WDR70: variants seen among roughly 807,000 people sequenced by gnomAD.
WDR70 encodes WD repeat-containing protein 70.
WDR70 carries 53 observed loss-of-function variants against 88.6 expected under a neutral mutation model. The observed-to-expected ratio is 0.60, with a 90% CI of 0.48 to 0.75. WDR70 has a LOEUF of 0.75. Among genes scored for constraint, WDR70 ranks in the 30% least tolerant of loss-of-function variants. The probability of loss-of-function intolerance (pLI) is 0.00; values close to 1 mark genes in which losing one functional copy is unlikely to be tolerated. For synonymous variants in WDR70, 280 were observed against 270.0 expected, an observed-to-expected ratio of 1.04 and a Z score of -0.36; for missense variants, 610 against 823.2, an observed-to-expected ratio of 0.74 and a Z score of 3.17.
intron 17 of WDR70, among the ~76,000 whole-genome samples, chr5:37,730,668 C>T (rs191469702): frequency 6.7e-4 from 102 of 152,132 alleles, no homozygotes; most frequent in East Asian, 1.9e-4. Flanking sequence ...GACTTACAGA[C>T]GTGTATTTTT....
chr5:37,573,252 C>T (rs1019384493), intron 9 of WDR70, among the ~76,000 whole-genome samples: 4 of 152,160 alleles, frequency 2.6e-5, no homozygotes, highest in Admixed American at 6.5e-5. Flanking sequence ...TCTCCCTGTT[C>T]CCCAAATCAT....
intron 10 of WDR70, among the ~76,000 whole-genome samples, chr5:37,655,436 G>A (rs1745525403): frequency 6.6e-6 from 1 of 152,010 alleles, no homozygotes; most frequent in Non-Finnish European, 1.5e-5. Flanking sequence ...TGCTCTTCTG[G>A]AGGACTATCT....
chr5:37,571,619 G>T (rs567318379), intron 9 of WDR70, among the ~76,000 whole-genome samples: 1 of 152,244 alleles, frequency 6.6e-6, no homozygotes, highest in East Asian at 1.9e-4. Context: ...TAGGGATAAA[G>T]GTTACCTTTG....
intron 8 of WDR70, among the ~76,000 whole-genome samples, chr5:37,509,030 T>A (rs1287327760): frequency 1.3e-5 from 2 of 152,186 alleles, no homozygotes; most frequent in African/African-American, 4.8e-5. Flanking sequence ...AAGATTATTA[T>A]AATAGTAATA....
intron 10 of WDR70, among the ~76,000 whole-genome samples, chr5:37,646,425 G>A (rs1283039645): frequency 6.6e-6 from 1 of 151,642 alleles, no homozygotes; most frequent in Non-Finnish European, 1.5e-5. Context: ...TATGTTTTTT[G>A]TGTACTTACT....
At chr5:37,631,812 A>G (rs1744826682) in intron 10 of WDR70, among the ~76,000 whole-genome samples, 2 of 152,204 alleles carry the variant, frequency 1.3e-5, no homozygotes, top group African/African-American at 4.8e-5. Context: ...CAGGGAATGT[A>G]TATTATCACG....
intron 10 of WDR70, among the ~76,000 whole-genome samples, chr5:37,635,300 G>C (rs1581453141): frequency 6.6e-6 from 1 of 152,256 alleles, no homozygotes; most frequent in African/African-American, 2.4e-5. Flanking sequence ...GGTTAGGAGA[G>C]GATCCTGCAC....
chr5:37,636,435 C>G (rs984237307), intron 10 of WDR70, among the ~76,000 whole-genome samples: 3 of 152,106 alleles, frequency 2.0e-5, no homozygotes, highest in Admixed American at 2.0e-4. Context: ...ATTAGTTGAG[C>G]AAAGCTCTGA....
intron 9 of WDR70, among the ~76,000 whole-genome samples, chr5:37,602,814 TA>T (rs1317061299): frequency 6.6e-6 from 1 of 151,564 alleles, no homozygotes; most frequent in Non-Finnish European, 1.5e-5. Flanking sequence ...CCATCTCTAC[TA>T]AAAATACAAA....
At chr5:37,677,791 G>C (rs1746282320) in intron 10 of WDR70, among the ~76,000 whole-genome samples, 1 of 152,136 alleles carries the variant, frequency 6.6e-6, no homozygotes, top group Non-Finnish European at 1.5e-5. Context: ...GGGTATCCTT[G>C]TTAACTTTCT....
Position 37,396,403 on chromosome 5 carries a change from A to AG in WDR70, c.326dup (p.Ser109ArgfsTer3). On this transcript the variant is annotated frameshift_variant, in exon 5 of 18. Coordinates refer to ENST00000265107, the MANE Select transcript of WDR70 (RefSeq NM_018034.4). LOFTEE classifies it high-confidence loss of function. Reference sequence around the variant, plus strand: ...TACGAGCAGCAGTGAAAGTGAACAGAGTTCTGACTCTTCTGATGATGAGTT... The same window carrying AG: ...TACGAGCAGCAGTGAAAGTGAACAGAGGTTCTGACTCTTCTGATGATGAGTT... 6.2e-6 allele frequency: 10 copies of AG among 1,612,700 alleles called. No individual in the cohort carries two copies. The highest frequency in any genetic ancestry group is 8.5e-6 in the Non-Finnish European group (10 of 1,179,544).
At chr5:37,692,416 A>G (rs1207432206) in intron 10 of WDR70, among the ~76,000 whole-genome samples, 1 of 152,178 alleles carries the variant, frequency 6.6e-6, no homozygotes, top group Non-Finnish European at 1.5e-5. Flanking sequence ...CACAACAAAA[A>G]AAGAATTTTA....
At chr5:37,528,271 C>T (rs1162942044) in intron 9 of WDR70, among the ~76,000 whole-genome samples, 1 of 152,126 alleles carries the variant, frequency 6.6e-6, no homozygotes, top group East Asian at 1.9e-4. Flanking sequence ...AAATGTGGCA[C>T]ATATACACCA....
rs1750705499 is a variant in WDR70, at chr5:37,443,142, TA to T, written c.553-95del. On this transcript the variant is annotated intron_variant, in intron 6 of 17. Coordinates refer to ENST00000265107, the MANE Select transcript of WDR70 (RefSeq NM_018034.4). ...TGGTGGTTTGTACTTCCAAGTCCTA[TA>T]ACATAGGGGGTGGGATTAAAGAACA... is the stretch of plus-strand genomic sequence containing the variant. The T allele has an allele frequency of 2.2e-6, 3 of 1,361,222 alleles. 1 individual carries two copies. Among genetic ancestry groups the T allele is most frequent in the Middle Eastern group, 5.2e-4 (2 of 3,810 alleles). 84.3% of individuals were successfully genotyped at this position (1,361,222 alleles called of 1,614,324 possible).
intron 9 of WDR70, among the ~76,000 whole-genome samples, chr5:37,578,982 C>T (rs1743135026): frequency 6.6e-6 from 1 of 152,156 alleles, no homozygotes; most frequent in Non-Finnish European, 1.5e-5. Flanking sequence ...TATTCTGTTT[C>T]TCTAATTCCT....
At chr5:37,655,308 C>T (rs922067908) in intron 10 of WDR70, among the ~76,000 whole-genome samples, 5 of 152,258 alleles carry the variant, frequency 3.3e-5, no homozygotes, top group Admixed American at 1.3e-4. Flanking sequence ...CAGAGAGATG[C>T]GCTGTTAGTC....
rs143405222 is a variant in WDR70, at chr5:37,602,706, C to T, written c.918-2358C>T. Among the ~76,000 whole-genome samples, 22 of 150,296 alleles carry T rather than the reference C, an allele frequency of 1.5e-4. No individual in the cohort carries two copies. In the East Asian group the frequency reaches 3.2e-3, roughly 22 times the overall value. On this transcript the variant is annotated intron_variant, in intron 9 of 17. Coordinates refer to ENST00000265107, the MANE Select transcript of WDR70 (RefSeq NM_018034.4). ...GAAAAAGACACAAATAGGCCGGGTG[C>T]GGTGGCTCATGCCTGTAATCCCAGC... is the stretch of plus-strand genomic sequence containing the variant.
At chr5:37,470,327 G>C (rs1209924992) in intron 7 of WDR70, among the ~76,000 whole-genome samples, 1 of 152,018 alleles carries the variant, frequency 6.6e-6, no homozygotes, top group Non-Finnish European at 1.5e-5. Context: ...AATTGCTTCA[G>C]ATGTCTCTAA....
chr5:37,637,707 C>T (rs1020920412), intron 10 of WDR70, among the ~76,000 whole-genome samples: 6 of 152,140 alleles, frequency 3.9e-5, no homozygotes, highest in Non-Finnish European at 7.4e-5. Flanking sequence ...TCACGTCTCC[C>T]GATGCCATTA....
Sources: gnomAD v4.1 joint callset for allele counts (sites outside exome capture counted in the v4.1 genomes callset) on GRCh38, gnomAD v4.1.1 for gene constraint, MANE v1.5 for transcripts, NCBI Gene and HGNC (gene_info 2026-07-23, HGNC 2026-07-21) for gene names.